The following AGBL4 variants were observed in gnomAD, a reference collection of about 807,000 sequenced individuals.
The protein encoded by AGBL4 is AGBL carboxypeptidase 4.
A neutral mutation model predicts 66.4 loss-of-function variants in AGBL4; 58 were observed. That is an observed-to-expected ratio of 0.87 (90% CI 0.71 to 1.09). The LOEUF is 1.09. Among genes scored for constraint, AGBL4 ranks in the 50% least tolerant of loss-of-function variants. The pLI, the probability that AGBL4 is intolerant of heterozygous loss-of-function variation, is 0.00. For missense variants in AGBL4, 579 were observed against 631.0 expected (o/e 0.92, Z 0.88); for synonymous variants, 234 against 222.9 (o/e 1.05, Z -0.44).
chr1:49,827,634 A>G (rs1304491760), intron 2 of AGBL4, among the ~76,000 whole-genome samples: 1 of 152,202 alleles, frequency 6.6e-6, no homozygotes, highest in Non-Finnish European at 1.5e-5. Context: ...TTTGTTGTAC[A>G]TTGCTACCAA....
At chr1:49,964,910 C>G (rs1442774263) in intron 1 of AGBL4, among the ~76,000 whole-genome samples, 3 of 151,956 alleles carry the variant, frequency 2.0e-5, no homozygotes, top group Admixed American at 6.6e-5. Context: ...AAGTGAAAAG[C>G]CTGAACAGCT....
chr1:49,537,006 C>CAA (rs998466304), intron 3 of AGBL4, among the ~76,000 whole-genome samples: 3 of 130,320 alleles, frequency 2.3e-5, no homozygotes, highest in African/African-American at 2.8e-5. Flanking sequence ...GACTCCATCT[C>CAA]AAAAAAAAAA....
At chr1:49,186,549 C>G (rs1647020541) in intron 4 of AGBL4, among the ~76,000 whole-genome samples, 2 of 152,110 alleles carry the variant, frequency 1.3e-5, no homozygotes. Context: ...AACAACAATA[C>G]CAAGCCTGAC....
intron 3 of AGBL4, among the ~76,000 whole-genome samples, chr1:49,625,027 A>C (rs1268067282): frequency 6.6e-6 from 1 of 152,110 alleles, no homozygotes; most frequent in East Asian, 1.9e-4. Context: ...GGAGGGTCTC[A>C]TAAATTTTCC....
intron 1 of AGBL4, among the ~76,000 whole-genome samples, chr1:49,939,180 C>G (rs1654464853): frequency 6.6e-6 from 1 of 151,984 alleles, no homozygotes. Flanking sequence ...GAACTACAAA[C>G]CACTGCTCAA....
chr1:49,822,196 C>T (rs1038536019), intron 2 of AGBL4, among the ~76,000 whole-genome samples: 1 of 151,910 alleles, frequency 6.6e-6, no homozygotes, highest in African/African-American at 2.4e-5. Context: ...GATAAGACAC[C>T]GAATATGTTT....
chr1:49,422,631 C>A (rs1645569570), intron 3 of AGBL4, among the ~76,000 whole-genome samples: 1 of 152,178 alleles, frequency 6.6e-6, no homozygotes, highest in Non-Finnish European at 1.5e-5. Flanking sequence ...TAAGCATACA[C>A]CTTGCTATTT....
intron 3 of AGBL4, among the ~76,000 whole-genome samples, chr1:49,344,456 A>C (rs1645600067): frequency 6.6e-6 from 1 of 152,186 alleles, no homozygotes; most frequent in Non-Finnish European, 1.5e-5. Flanking sequence ...GATTGTTTTA[A>C]GTGAGATAGG....
chr1:49,851,449 T>C lies in AGBL4; in HGVS notation c.104A>G (p.Tyr35Cys), dbSNP rs1274313817. The change falls in exon 2 of 14, where the codon TAT becomes TGT. Residue 35 changes from tyrosine (Y) to cysteine (C), a missense_variant. Physicochemically the swap from Tyr to Cys is radical, Grantham distance 194. Coordinates refer to ENST00000371839, the MANE Select transcript of AGBL4 (RefSeq NM_032785.4). ...VSKYIVLPTGYCGQPKKGHLI... is the reference protein window; with the variant it reads ...VSKYIVLPTGCCGQPKKGHLI... ...ATGTCCTTTCTTGGGCTGTCCACAA[T>C]AGCCAGTTGGAAGCACTATATATTT... The C allele has an allele frequency of 4.5e-6, 7 of 1,550,614 alleles. No individual in the cohort carries two copies. Among genetic ancestry groups the C allele is most frequent in the East Asian group, 2.4e-5 (1 of 40,852 alleles).
intron 6 of AGBL4, among the ~76,000 whole-genome samples, chr1:48,747,033 C>G (rs1056766964): frequency 3.3e-5 from 5 of 152,180 alleles, no homozygotes. Context: ...GCTTCACTAC[C>G]GATGTTGGCA....
intron 10 of AGBL4, among the ~76,000 whole-genome samples, chr1:48,587,674 G>A (rs192145787): frequency 3.2e-4 from 48 of 149,332 alleles, no homozygotes; most frequent in Admixed American, 2.1e-3. Context: ...ATGAAGTCTC[G>A]CTCTGTCACC....
chr1:48,920,290 A>G (rs1653972172), intron 5 of AGBL4, among the ~76,000 whole-genome samples: 1 of 152,114 alleles, frequency 6.6e-6, no homozygotes, highest in African/African-American at 2.4e-5. Flanking sequence ...CTGTAGTTTC[A>G]CCAGTGATCC....
intron 6 of AGBL4, chr1:48,761,452 T>C: frequency 6.4e-7 from 1 of 1,551,154 alleles, no homozygotes; most frequent in Non-Finnish European, 8.7e-7. Context: ...CACACTGTTT[T>C]CAAGGTCAGA....
At chr1:49,414,937 A>G (rs1389343804) in intron 3 of AGBL4, among the ~76,000 whole-genome samples, 11 of 152,160 alleles carry the variant, frequency 7.2e-5, no homozygotes, top group Admixed American at 6.6e-4. Flanking sequence ...AGCTATAAGG[A>G]TGACAATAAT....
chr1:49,947,968 A>G (rs1237266503), intron 1 of AGBL4, among the ~76,000 whole-genome samples: 5 of 74,754 alleles, frequency 6.7e-5, no homozygotes, highest in Admixed American at 2.0e-4. Flanking sequence ...ATATAAATAT[A>G]TATATTTATA....
intron 4 of AGBL4, among the ~76,000 whole-genome samples, chr1:49,115,376 A>C (rs572979858): frequency 6.6e-6 from 1 of 152,290 alleles, no homozygotes; most frequent in Non-Finnish European, 1.5e-5. Context: ...TAGTTTTAGG[A>C]ACGGAAAAGG....
chr1:48,592,751 A>AC (rs1331569804), intron 9 of AGBL4, among the ~76,000 whole-genome samples: 1 of 152,172 alleles, frequency 6.6e-6, no homozygotes, highest in Admixed American at 6.5e-5. Flanking sequence ...AGTTTCTCTG[A>AC]CCTTTCTCAG....
At chr1:49,737,535 G>C (rs758775790) in intron 2 of AGBL4, among the ~76,000 whole-genome samples, 1 of 152,134 alleles carries the variant, frequency 6.6e-6, no homozygotes, top group East Asian at 1.9e-4. Flanking sequence ...CTAGAGGTGG[G>C]AGAGAGAGAC....
At chr1:49,390,863 G>C (rs1242789983) in intron 3 of AGBL4, among the ~76,000 whole-genome samples, 3 of 152,070 alleles carry the variant, frequency 2.0e-5, no homozygotes, top group African/African-American at 7.2e-5. Flanking sequence ...CTTGATCCTT[G>C]AGAATATAAC....
Sources: allele counts gnomAD v4.1 joint callset (sites outside exome capture counted in the v4.1 genomes callset), GRCh38; gene constraint gnomAD v4.1.1; transcripts MANE v1.5; gene names NCBI Gene and HGNC (gene_info 2026-07-23, HGNC 2026-07-21).